CDH17: variants seen among roughly 807,000 people sequenced by gnomAD.
CDH17 encodes cadherin 17, also known as cadherin-17.
A neutral mutation model predicts 86.3 loss-of-function variants in CDH17; 67 were observed. The ratio of observed to expected loss-of-function variants is 0.78; its 90% CI spans 0.64 to 0.95. The LOEUF (loss-of-function observed/expected upper bound fraction) is 0.95, where lower values mean the gene tolerates loss of function less well. Among genes scored for constraint, CDH17 ranks in the 40% least tolerant of loss-of-function variants. CDH17 has a pLI of 0.00. For synonymous variants in CDH17, 367 were observed against 366.4 expected (o/e 1.00, Z -0.02); for missense variants, 993 against 1,017.6 (o/e 0.98, Z 0.33).
At chr8:94,182,170 T>C (rs1813498262) in intron 3 of CDH17, among the ~76,000 whole-genome samples, 1 of 152,088 alleles carries the variant, frequency 6.6e-6, no homozygotes, top group South Asian at 2.1e-4. Flanking sequence ...CAGAACCAGA[T>C]GGCTTCACTA....
intron 13 of CDH17, among the ~76,000 whole-genome samples, chr8:94,151,537 C>T (rs1022897471): frequency 2.0e-5 from 3 of 152,204 alleles, no homozygotes; most frequent in Non-Finnish European, 4.4e-5. Flanking sequence ...GCCTAGATAA[C>T]AGGCTTAGAC....
rs1275971713 is a variant in CDH17, at chr8:94,180,831, C to T, written c.151-3110G>A. 2.0e-5 allele frequency among the ~76,000 whole-genome samples: 3 copies of T among 151,562 alleles called. No homozygotes were observed. The East Asian group carries it at 5.9e-4, about 30-fold the overall frequency. The stretch of plus-strand genomic sequence containing the variant: ...AATAGCGTGAACCCAGAAGGCGGAG[C>T]TTGCAGTGAGCTGAGATTGTGCCAC... On this transcript the variant is annotated intron_variant, in intron 3 of 17. Coordinates refer to ENST00000027335, the MANE Select transcript of CDH17 (RefSeq NM_004063.4).
chr8:94,158,333 G>A (rs759662583), intron 12 of CDH17, among the ~76,000 whole-genome samples: 1 of 152,144 alleles, frequency 6.6e-6, no homozygotes, highest in Admixed American at 6.5e-5. Flanking sequence ...GTCAAGTTGT[G>A]AGGGAGGATA....
intron 3 of CDH17, among the ~76,000 whole-genome samples, chr8:94,180,875 ACAGAGTGAGATTCC>A (rs370686175): frequency 0.015 from 2,314 of 151,486 alleles, 26 homozygotes; most frequent in Middle Eastern, 0.076. Context: ...AGCCTGGAGG[ACAGAGTGAGATTCC>A]CAGAGTGAGA....
At chr8:94,183,562 C>T (rs1472314716) in intron 3 of CDH17, among the ~76,000 whole-genome samples, 1 of 142,730 alleles carries the variant, frequency 7.0e-6, no homozygotes, top group Non-Finnish European at 1.5e-5. Context: ...ACAAAACTAA[C>T]TCAAAATGGA....
At chr8:94,153,387 A>G (rs1289794864) in intron 12 of CDH17, among the ~76,000 whole-genome samples, 3 of 152,220 alleles carry the variant, frequency 2.0e-5, no homozygotes, top group Non-Finnish European at 4.4e-5. Context: ...ATGTGGAGAA[A>G]AGGGAACCCT....
At chr8:94,168,387 T>C (rs1813207532) in intron 9 of CDH17, among the ~76,000 whole-genome samples, 1 of 149,498 alleles carries the variant, frequency 6.7e-6, no homozygotes, top group Admixed American at 6.7e-5. Context: ...GATCTGCTCA[T>C]CTTGGCCTCC....
rs1444848597 is a variant in CDH17, at chr8:94,173,807, T to C, written c.773A>G (p.Lys258Arg). 4 of 1,613,550 alleles carry C rather than the reference T, an allele frequency of 2.5e-6. No individual in the cohort carries two copies. The African/African-American group carries it at 4.0e-5, about 16-fold the overall frequency. The change falls in exon 7 of 18, where the codon AAA (lysine) becomes AGA (arginine). Residue 258 changes from lysine to arginine, a missense_variant. By Grantham distance (26) the Lys-to-Arg change is conservative. Coordinates refer to ENST00000027335, the MANE Select transcript of CDH17 (RefSeq NM_004063.4). ...GGGCTTGGGTACTACCTGAGTGATT[T>C]TGATGGGGTGAGGATCAGTTGAGTT... ...VENSTDPHPI[K>R]ITQVRWNDPG...
chr8:94,184,467 C>T (rs567605777), intron 3 of CDH17, among the ~76,000 whole-genome samples: 72 of 152,202 alleles, frequency 4.7e-4, no homozygotes, highest in African/African-American at 1.5e-3. Context: ...TAAAAGAAGT[C>T]ATACATAAAA....
At chr8:94,174,639 G>C (rs949088164) in intron 5 of CDH17, among the ~76,000 whole-genome samples, 3 of 152,016 alleles carry the variant, frequency 2.0e-5, no homozygotes, top group African/African-American at 7.3e-5. Flanking sequence ...ATTGAGTTTG[G>C]GTATAGTACT....
chr8:94,159,973 T>C lies in CDH17; in HGVS notation c.1549A>G (p.Lys517Glu). The change falls in exon 12 of 18, where the codon AAG (lysine) becomes GAG (glutamate). Residue 517 changes from lysine to glutamate, a missense_variant and splice_region_variant. By Grantham distance (56) the Lys-to-Glu change is moderately conservative. Transcript: ENST00000027335. ...HTNTGYVIIKKPLDFETAAVS... is the reference protein window; with the variant it reads ...HTNTGYVIIKEPLDFETAAVS... Reference sequence around the variant, plus strand: ...TATTAAATAAATGGGCTATTTACCTTTTTAATTATGACATATCCGGTGTTG... The same window carrying C: ...TATTAAATAAATGGGCTATTTACCTCTTTAATTATGACATATCCGGTGTTG... The C allele has an allele frequency of 6.2e-7, 1 of 1,601,790 alleles. No individual in the cohort carries two copies. The highest frequency in any genetic ancestry group is 8.5e-7 in the Non-Finnish European group (1 of 1,175,250).
chr8:94,173,658 G>A lies in CDH17; in HGVS notation c.783+139C>T, dbSNP rs143820809. On this transcript the variant is annotated intron_variant, in intron 7 of 17. Coordinates refer to ENST00000027335, the MANE Select transcript of CDH17 (RefSeq NM_004063.4). ...TCAAGTCCAGTGACTCGGGGCCAGA[G>A]GCTATATAATTTGCTTTATAATCAT... The A allele has an allele frequency of 9.7e-4, 684 of 705,414 alleles. 6 individuals are homozygous for A. The African/African-American group carries it at 0.01, about 11-fold the overall frequency. The allele number at this position is 705,414 out of a possible 1,614,324, so 43.7% of individuals were successfully genotyped here. A position where few individuals can be genotyped will look rare whatever the true frequency, so the allele number is the denominator to read the frequency against.
At chr8:94,210,752 G>A (rs1037135030), upstream of CDH17, among the ~76,000 whole-genome samples, 2 of 152,160 alleles carry the variant, frequency 1.3e-5, no homozygotes, top group Non-Finnish European at 2.9e-5. Context: ...CAGGCGCAGT[G>A]GCTCACACCT....
chr8:94,141,328 C>T (rs575768253), intron 15 of CDH17, among the ~76,000 whole-genome samples: 18 of 150,230 alleles, frequency 1.2e-4, no homozygotes, highest in African/African-American at 3.7e-4. Flanking sequence ...CTAATAAAGA[C>T]GACCTACAAT....
intron 15 of CDH17, among the ~76,000 whole-genome samples, chr8:94,144,959 T>C (rs1812711555): frequency 6.6e-6 from 1 of 152,146 alleles, no homozygotes; most frequent in African/African-American, 2.4e-5. Context: ...TATGAGATAC[T>C]ACTCCACTCC....
chr8:94,191,233 T>C (rs1329025359), intron 2 of CDH17, among the ~76,000 whole-genome samples: 1 of 152,138 alleles, frequency 6.6e-6, no homozygotes, highest in Non-Finnish European at 1.5e-5. Flanking sequence ...GTGTCTGCAG[T>C]TGGGGCAGCT....
intron 9 of CDH17, among the ~76,000 whole-genome samples, chr8:94,168,122 A>ATG (rs1466625194): frequency 7.4e-5 from 3 of 40,404 alleles, no homozygotes; most frequent in African/African-American, 2.4e-4. Flanking sequence ...ATATATATAT[A>ATG]TATATATATA....
rs752272480 is a variant in CDH17, at chr8:94,152,152, T to A, written c.1552-40A>T. ...GAGAGAAAATTAATTTTGGGGTGAT[T>A]AGCTCCCTTAAAAGATTCATTCCCT... is the stretch of plus-strand genomic sequence containing the variant. On this transcript the variant is annotated intron_variant, in intron 12 of 17. Transcript: ENST00000027335. The A allele has an allele frequency of 2.5e-6, 4 of 1,605,776 alleles. 1 individual carries two copies. The South Asian group carries it at 4.4e-5, about 18-fold the overall frequency.
At chr8:94,193,425 C>A (rs1455853149) in intron 2 of CDH17, among the ~76,000 whole-genome samples, 1 of 152,134 alleles carries the variant, frequency 6.6e-6, no homozygotes, top group Non-Finnish European at 1.5e-5. Flanking sequence ...AACCACCAGT[C>A]GCTGATCCAA....
Sources: allele counts gnomAD v4.1 joint callset (sites outside exome capture counted in the v4.1 genomes callset), GRCh38; gene constraint gnomAD v4.1.1; transcripts MANE v1.5; gene names NCBI Gene and HGNC (gene_info 2026-07-23, HGNC 2026-07-21).